Variants in USP49 observed in about 807,000 individuals in gnomAD.
The protein encoded by USP49 is ubiquitin specific peptidase 49.
Under a neutral mutation model 58.6 loss-of-function variants are expected in USP49, and 24 were observed. The observed-to-expected ratio is 0.41, with a 90% CI of 0.30 to 0.58. The LOEUF is 0.58. Among genes scored for constraint, USP49 ranks in the 20% least tolerant of loss-of-function variants. The probability of loss-of-function intolerance (pLI) is 0.30; values close to 1 mark genes in which losing one functional copy is unlikely to be tolerated. For missense variants in USP49, 703 were observed against 866.1 expected (o/e 0.81, Z 2.36); for synonymous variants, 408 against 365.1 (o/e 1.12, Z -1.34).
chr6:41,857,031 G>A, intron 3 of USP49, among the ~76,000 whole-genome samples: 1 of 152,238 alleles, frequency 6.6e-6, no homozygotes, highest in East Asian at 1.9e-4. Flanking sequence ...GGAGCCTATT[G>A]TTCATGGAGT....
intron 3 of USP49, among the ~76,000 whole-genome samples, chr6:41,857,828 A>G (rs1299852061): frequency 1.3e-5 from 2 of 152,238 alleles, no homozygotes; most frequent in Non-Finnish European, 2.9e-5. Flanking sequence ...CAGGCATTAC[A>G]TGCATACTTA....
At chr6:41,811,196 CATG>C (rs1265712584) in intron 3 of USP49, among the ~76,000 whole-genome samples, 1 of 152,144 alleles carries the variant, frequency 6.6e-6, no homozygotes, top group African/African-American at 2.4e-5. Context: ...CAAGCCAGAT[CATG>C]ATTTTCTCAT....
intron 3 of USP49, among the ~76,000 whole-genome samples, chr6:41,859,744 G>C (rs1449155914): frequency 6.6e-6 from 1 of 152,114 alleles, no homozygotes; most frequent in East Asian, 1.9e-4. Flanking sequence ...AACTGAGAAA[G>C]CTACAGTAAT....
At chr6:41,798,434 C>T (rs557426484) in intron 7 of USP49, 26 of 624,462 alleles carry the variant, frequency 4.2e-5, no homozygotes, top group Non-Finnish European at 5.3e-5. Flanking sequence ...CCACCACGCC[C>T]GGCTAATTTT....
At chr6:41,859,451 A>C (rs1774182384) in intron 3 of USP49, among the ~76,000 whole-genome samples, 2 of 152,154 alleles carry the variant, frequency 1.3e-5, no homozygotes, top group African/African-American at 4.8e-5. Flanking sequence ...AGGCTGGGTT[A>C]AGCATACCTT....
chr6:41,845,146 C>T (rs1773900181), intron 3 of USP49, among the ~76,000 whole-genome samples: 1 of 152,188 alleles, frequency 6.6e-6, no homozygotes, highest in Admixed American at 6.5e-5. Context: ...AATGATCCAC[C>T]CGCCTCAGCC....
intron 2 of USP49, among the ~76,000 whole-genome samples, chr6:41,886,202 G>C (rs1774708165): frequency 6.6e-6 from 1 of 152,138 alleles, no homozygotes; most frequent in African/African-American, 2.4e-5. Flanking sequence ...ATAGGTGGTT[G>C]TATTAGAACA....
intron 3 of USP49, 66 bp from the exon 4 acceptor site, chr6:41,807,077 TAAA>T (rs11393933): frequency 6.5e-5 from 68 of 1,040,588 alleles, no homozygotes; most frequent in African/African-American, 1.6e-4. Flanking sequence ...ATATTTTCCT[TAAA>T]AAAAAAAAAA....
At chr6:41,814,230 A>G (rs1024221002) in intron 3 of USP49, among the ~76,000 whole-genome samples, 1 of 152,236 alleles carries the variant, frequency 6.6e-6, no homozygotes, top group Non-Finnish European at 1.5e-5. Context: ...TGAGGAAAGT[A>G]AACCTGACAA....
rs922098732 is a variant in USP49, at chr6:41,794,772, A to G, written c.*1761T>C. On this transcript the variant is annotated 3_prime_UTR_variant, in exon 8 of 8. Transcript: ENST00000682992. Reference sequence around the variant, plus strand: ...AACAGCATAAAAAATGCCATACGCTATCGCTTCCAAATAAAAGCTAAATAT... The same window carrying G: ...AACAGCATAAAAAATGCCATACGCTGTCGCTTCCAAATAAAAGCTAAATAT... 11 of 152,268 alleles carry G rather than the reference A, an allele frequency of 7.2e-5. No individual in the cohort carries two copies. Among genetic ancestry groups the G allele is most frequent in the Admixed American group, 5.2e-4 (8 of 15,294 alleles). The allele number at this position is 152,268 out of a possible 1,614,324, so 9.4% of individuals were successfully genotyped here.
intron 5 of USP49, 97 bp from the exon 6 acceptor site, chr6:41,800,035 T>C (rs755143199): frequency 1.9e-5 from 21 of 1,102,206 alleles, no homozygotes; most frequent in Middle Eastern, 4.1e-4. Flanking sequence ...ATTCTCCATA[T>C]TTCTCAGTAT....
chr6:41,869,918 C>T (rs1461920061), intron 3 of USP49, among the ~76,000 whole-genome samples: 1 of 151,872 alleles, frequency 6.6e-6, no homozygotes, highest in Admixed American at 6.6e-5. Flanking sequence ...TCATATACAC[C>T]CTAAGATATA....
chr6:41,821,409 CAGTCTG>C, intron 3 of USP49, among the ~76,000 whole-genome samples: 1 of 152,206 alleles, frequency 6.6e-6, no homozygotes, highest in Admixed American at 6.5e-5. Context: ...CCACTTTAGT[CAGTCTG>C]TTGAAATGCC....
At chr6:41,863,905 G>C (rs972177055) in intron 3 of USP49, among the ~76,000 whole-genome samples, 1 of 151,530 alleles carries the variant, frequency 6.6e-6, no homozygotes, top group Admixed American at 6.6e-5. Flanking sequence ...TTATAGGCAT[G>C]TGCCACCACA....
At chr6:41,891,919 A>C (rs1774816627) in intron 1 of USP49, 44 bp from the exon 2 acceptor site, 1 of 152,348 alleles carries the variant, frequency 6.6e-6, no homozygotes, top group South Asian at 2.1e-4. Context: ...CAGCCTAATA[A>C]ATCTAAAAAT....
In USP49 at chr6:41,806,573, C is replaced by T. The variant is rs746990385; in HGVS notation, c.411G>A (p.Pro137=). ...GGTACCACAGAGCCGTGAGCATCTG[C>T]GGCTGTCCCTGAGGAGCGCGCTGCG... ...VLPQRAPQGQ[P]QMLTALWYRR... The change falls in exon 4 of 8, where the codon CCG becomes CCA. Residue 137 remains proline, a synonymous_variant. Transcript: ENST00000682992. The surrounding 1 kb of genome is among the most constrained non-coding windows in gnomAD (Gnocchi z 5.9). The T allele has an allele frequency of 1.1e-5, 18 of 1,603,654 alleles. No homozygotes were observed. The highest frequency in any genetic ancestry group is 3.3e-5 in the Admixed American group (2 of 59,824).
At chr6:41,804,793 G>A in intron 4 of USP49, among the ~76,000 whole-genome samples, 1 of 152,142 alleles carries the variant, frequency 6.6e-6, no homozygotes, top group Non-Finnish European at 1.5e-5. Context: ...TGTCACCCAG[G>A]CTGTAGTGCC....
chr6:41,892,234 A>G lies in USP49; in HGVS notation c.-184-359T>C, dbSNP rs1198422917. On this transcript the variant is annotated intron_variant, in intron 1 of 7. Transcript: ENST00000682992. ...ACAGTTTATATTTCCTTCTTTACCAATATCAAATAAGTCTATAATCACTTA... is the reference window on the plus strand; with the variant it reads ...ACAGTTTATATTTCCTTCTTTACCAGTATCAAATAAGTCTATAATCACTTA... 2.6e-5 allele frequency among the ~76,000 whole-genome samples: 4 copies of G among 152,184 alleles called. No homozygotes were observed. In the East Asian group the frequency reaches 5.8e-4, roughly 22 times the overall value.
intron 2 of USP49, among the ~76,000 whole-genome samples, chr6:41,885,968 T>C (rs529445189): frequency 1.3e-5 from 2 of 152,376 alleles, no homozygotes; most frequent in South Asian, 4.1e-4. Flanking sequence ...TTGAAATGCA[T>C]TGTTATAAGC....
Sources: gnomAD v4.1 joint callset for allele counts (sites outside exome capture counted in the v4.1 genomes callset) on GRCh38, gnomAD v4.1.1 for gene constraint, Gnocchi (gnomAD v3.1) non-coding constraint, MANE v1.5 for transcripts, NCBI Gene and HGNC (gene_info 2026-07-23, HGNC 2026-07-21) for gene names.